The following TRDMT1 variants were observed in gnomAD, a reference collection of about 807,000 sequenced individuals.
The protein encoded by TRDMT1 is tRNA (cytosine(38)-C(5))-methyltransferase.
Under a neutral mutation model 51.2 loss-of-function variants are expected in TRDMT1, and 49 were observed. The observed-to-expected ratio is 0.96, with a 90% CI of 0.76 to 1.21. The LOEUF is 1.21. TRDMT1 is among the 50% of genes most tolerant of loss of function. TRDMT1 has a pLI of 0.00. For missense variants in TRDMT1, 534 were observed against 462.3 expected (o/e 1.16, Z -1.42); for synonymous variants, 187 against 164.6 (o/e 1.14, Z -1.04).
chr10:17,142,924 T>C lies in TRDMT1; in HGVS notation c.*6116A>G, dbSNP rs777572858. 7 of 900,448 alleles carry C rather than the reference T, an allele frequency of 7.8e-6. No homozygotes were observed. Among genetic ancestry groups the C allele is most frequent in the African/African-American group, 1.8e-5 (1 of 55,562 alleles). 55.8% of individuals were successfully genotyped at this position (900,448 alleles called of 1,614,324 possible). ...TTACCCAGAGTTTATAATTACACTT[T>C]TCAGGGAGGAGCAGGGAGAAATAAA... On this transcript the variant is annotated 3_prime_UTR_variant, in exon 11 of 11. Coordinates refer to ENST00000377799, the MANE Select transcript of TRDMT1 (RefSeq NM_004412.7).
intron 1 of TRDMT1, among the ~76,000 whole-genome samples, chr10:17,180,651 T>TA (rs1564322030): frequency 1.3e-5 from 2 of 152,170 alleles, no homozygotes; most frequent in African/African-American, 4.8e-5. Flanking sequence ...CTTCTACTTA[T>TA]AACTGTCTAT....
Position 17,201,456 on chromosome 10 carries a change from T to C in TRDMT1, c.64+115A>G, listed in dbSNP as rs73606379. On this transcript the variant is annotated intron_variant, in intron 1 of 10. Transcript: ENST00000377799. The stretch of plus-strand genomic sequence containing the variant: ...AGGACAACCGAGGGCCGCCCCACAG[T>C]GTCCGCCCCACAGTGTCCGCCCCTT... The C allele has an allele frequency of 0.011, 12,607 of 1,149,542 alleles. 1,029 individuals are homozygous for C. In the African/African-American group the frequency reaches 0.18, roughly 16 times the overall value. 71.2% of individuals were successfully genotyped at this position (1,149,542 alleles called of 1,614,324 possible).
At chr10:17,150,199 C>T (rs1838503982) in intron 10 of TRDMT1, 1 of 175,844 alleles carries the variant, frequency 5.7e-6, no homozygotes, top group Admixed American at 6.5e-5. Context: ...AGTAATATCA[C>T]ATTGTGATTT....
chr10:17,162,816 C>T, intron 3 of TRDMT1, among the ~76,000 whole-genome samples: 1 of 152,226 alleles, frequency 6.6e-6, no homozygotes, highest in East Asian at 1.9e-4. Context: ...CTAATAAGTA[C>T]ACTTAAAATT....
At position 17,159,183 on chromosome 10, in the gene TRDMT1, A is replaced by G; in HGVS notation, c.506T>C (p.Leu169Pro). 1 of 1,604,390 alleles carries G rather than the reference A, an allele frequency of 6.2e-7. No homozygotes were observed. Among genetic ancestry groups the G allele is most frequent in the African/African-American group, 1.3e-5 (1 of 74,732 alleles). ...TTGAAAGGGTAATGGCTCTGACTGAAGCTTTGCAATAAGAAAATATCGTAG... is the reference window on the plus strand; with the variant it reads ...TTGAAAGGGTAATGGCTCTGACTGAGGCTTTGCAATAAGAAAATATCGTAG... ...SRLRYFLIAK[L>P]QSEPLPFQAP... Residue 169 changes from leucine (L) to proline (P), a missense_variant, in exon 7 of 11, where the codon CTT becomes CCT. Transcript: ENST00000377799.
At chr10:17,180,741 C>G (rs1588631911) in intron 1 of TRDMT1, among the ~76,000 whole-genome samples, 1 of 152,084 alleles carries the variant, frequency 6.6e-6, no homozygotes, top group African/African-American at 2.4e-5. Context: ...GATAATCAAT[C>G]TTTAATTCCC....
Position 17,148,940 on chromosome 10 carries a change from T to C in TRDMT1, c.*100A>G. 1 of 1,387,322 alleles carries C rather than the reference T, an allele frequency of 7.2e-7. No homozygotes were observed. The highest frequency in any genetic ancestry group is 9.4e-7 in the Non-Finnish European group (1 of 1,062,576). The allele number at this position is 1,387,322 out of a possible 1,614,324, so 85.9% of individuals were successfully genotyped here. On this transcript the variant is annotated 3_prime_UTR_variant, in exon 11 of 11. Transcript: ENST00000377799. ...CTTAATAAGGACAGATTAAAATAATTTAGTTAAATTTCACCAGAATTAGTT... is the reference window on the plus strand; with the variant it reads ...CTTAATAAGGACAGATTAAAATAATCTAGTTAAATTTCACCAGAATTAGTT...
At chr10:17,150,301 C>T (rs1161438997) in intron 10 of TRDMT1, 1 of 789,654 alleles carries the variant, frequency 1.3e-6, no homozygotes, top group Non-Finnish European at 1.5e-6. Flanking sequence ...GACTCAAATC[C>T]TTGCCCATTT....
chr10:17,158,505 C>A (rs1839870506), intron 7 of TRDMT1, among the ~76,000 whole-genome samples: 1 of 152,064 alleles, frequency 6.6e-6, no homozygotes, highest in Non-Finnish European at 1.5e-5. Flanking sequence ...CACTACCAAT[C>A]CCTTATTAGT....
chr10:17,169,334 C>T, intron 2 of TRDMT1: 21 of 1,187,448 alleles, frequency 1.8e-5, no homozygotes, highest in Non-Finnish European at 2.2e-5. Flanking sequence ...CTTTATTTAG[C>T]AAATGTGATA....
At chr10:17,195,169 C>A (rs1303749818) in intron 1 of TRDMT1, among the ~76,000 whole-genome samples, 4 of 152,142 alleles carry the variant, frequency 2.6e-5, no homozygotes, top group Non-Finnish European at 5.9e-5. Context: ...CATATACTTG[C>A]ATGTTCATCA....
intron 1 of TRDMT1, among the ~76,000 whole-genome samples, chr10:17,194,022 C>G (rs117393484): frequency 3.9e-5 from 6 of 152,170 alleles, no homozygotes; most frequent in Admixed American, 3.9e-4. Context: ...CTACAGTCAT[C>G]TGATCTTCAA....
In TRDMT1 at chr10:17,145,128, T is replaced by C; in HGVS notation, c.*3912A>G. ...TAGGTGTGGTGGCATGCGCCTGTAA[T>C]CCCAGCTACTAGGGAGGCTGAGGCA... On this transcript the variant is annotated 3_prime_UTR_variant, in exon 11 of 11. Coordinates refer to ENST00000377799, the MANE Select transcript of TRDMT1 (RefSeq NM_004412.7). 1 of 567,412 alleles carries C rather than the reference T, an allele frequency of 1.8e-6. No individual in the cohort carries two copies. The highest frequency in any genetic ancestry group is 2.2e-6 in the Non-Finnish European group (1 of 448,322). 35.1% of individuals were successfully genotyped at this position (567,412 alleles called of 1,614,324 possible). A position where few individuals can be genotyped will look rare whatever the true frequency, so the allele number is the denominator to read the frequency against.
Position 17,162,245 on chromosome 10 carries a change from G to T in TRDMT1, c.252-8C>A. 1.4e-6 allele frequency: 2 copies of T among 1,476,066 alleles called. No homozygotes were observed. The highest frequency in any genetic ancestry group is 1.8e-6 in the Non-Finnish European group (2 of 1,119,514). The allele number at this position is 1,476,066 out of a possible 1,614,324, so 91.4% of individuals were successfully genotyped here. ...TCACCCTGCCGGCCAATCCTAAAGG[G>T]GTAAAAAAAAAAAAAAACAAAAAAA... is the stretch of plus-strand genomic sequence containing the variant. On this transcript the variant is annotated splice_region_variant and splice_polypyrimidine_tract_variant and intron_variant, in intron 3 of 10. Transcript: ENST00000377799.
intron 1 of TRDMT1, among the ~76,000 whole-genome samples, chr10:17,195,464 G>T (rs1315847515): frequency 6.6e-6 from 1 of 152,056 alleles, no homozygotes; most frequent in Non-Finnish European, 1.5e-5. Context: ...AGAGAGAAGG[G>T]GGGCAGCAAA....
intron 1 of TRDMT1, among the ~76,000 whole-genome samples, chr10:17,190,699 T>C (rs1844579780): frequency 6.6e-6 from 1 of 152,212 alleles, no homozygotes. Flanking sequence ...TTTAAACTTA[T>C]CACAGAAGGA....
chr10:17,162,960 C>T (rs903861763), intron 3 of TRDMT1, among the ~76,000 whole-genome samples: 1 of 152,172 alleles, frequency 6.6e-6, no homozygotes, highest in African/African-American at 2.4e-5. Flanking sequence ...TGGCTGACTA[C>T]ACTTTTTGCT....
intron 4 of TRDMT1, 63 bp from the exon 5 acceptor site, chr10:17,161,611 A>C (rs1840371258): frequency 5.2e-6 from 4 of 769,396 alleles, no homozygotes; most frequent in African/African-American, 1.7e-5. Context: ...AAGTAAAGAA[A>C]ATCATTACTT....
chr10:17,189,330 C>A (rs1028987537), intron 1 of TRDMT1, among the ~76,000 whole-genome samples: 1 of 151,952 alleles, frequency 6.6e-6, no homozygotes, highest in African/African-American at 2.4e-5. Flanking sequence ...GTCTTCATAG[C>A]GAAAAACCCT....
Sources: gnomAD v4.1 joint callset for allele counts (sites outside exome capture counted in the v4.1 genomes callset) on GRCh38, gnomAD v4.1.1 for gene constraint, MANE v1.5 for transcripts, NCBI Gene and HGNC (gene_info 2026-07-23, HGNC 2026-07-21) for gene names.